The following SLC25A13 variants were observed in gnomAD, a reference collection of about 807,000 sequenced individuals.
The protein encoded by SLC25A13 is solute carrier family 25 member 13, also known as electrogenic aspartate/glutamate antiporter SLC25A13, mitochondrial.
A neutral mutation model predicts 85.5 loss-of-function variants in SLC25A13; 70 were observed. The observed-to-expected ratio is 0.82, with a 90% CI of 0.68 to 1.00. The LOEUF is 1.00. Ranked by LOEUF, SLC25A13 falls within the 50% of genes least tolerant of loss-of-function variation. SLC25A13 has a pLI of 0.00. For missense variants in SLC25A13, 765 were observed against 819.8 expected (o/e 0.93, Z 0.82); for synonymous variants, 259 against 288.7 (o/e 0.90, Z 1.04).
chr7:96,131,128 T>C (rs751766633), intron 15 of SLC25A13, among the ~76,000 whole-genome samples: 2 of 152,190 alleles, frequency 1.3e-5, no homozygotes, highest in Non-Finnish European at 2.9e-5. Flanking sequence ...TAGGGACCCT[T>C]GAAAAGAAGC....
chr7:96,121,184 G>T lies in SLC25A13; in HGVS notation c.*7C>A. 1 of 1,614,066 alleles carries T rather than the reference G, an allele frequency of 6.2e-7. No individual in the cohort carries two copies. ...AAAAAGACAGCACTATCCCAGGGCT[G>T]ATCTTCCTATGGGCCTCCACCAATA... On this transcript the variant is annotated 3_prime_UTR_variant, in exon 18 of 18. Coordinates refer to ENST00000265631, the MANE Select transcript of SLC25A13 (RefSeq NM_014251.3).
chr7:96,185,081 C>T, intron 9 of SLC25A13, 70 bp from the exon 10 acceptor site: 3 of 1,263,574 alleles, frequency 2.4e-6, no homozygotes, highest in Non-Finnish European at 3.4e-6. Flanking sequence ...ACAAAAATGA[C>T]CATACATTAA....
At chr7:96,316,759 G>C (rs183845040) in intron 1 of SLC25A13, among the ~76,000 whole-genome samples, 82 of 152,206 alleles carry the variant, frequency 5.4e-4, no homozygotes, top group African/African-American at 1.8e-3. Flanking sequence ...AAAAGCACTA[G>C]GTAAGGCAGT....
chr7:96,228,588 G>A (rs1177891469), intron 4 of SLC25A13, among the ~76,000 whole-genome samples: 2 of 152,180 alleles, frequency 1.3e-5, no homozygotes, highest in African/African-American at 2.4e-5. Context: ...GCGCCTCCTC[G>A]GCCTCGGCGC....
intron 2 of SLC25A13, among the ~76,000 whole-genome samples, chr7:96,294,373 T>C (rs193135464): frequency 1.3e-5 from 2 of 152,282 alleles, no homozygotes; most frequent in African/African-American, 4.8e-5. Context: ...GGCTCATGTA[T>C]ACATATGTAA....
intron 3 of SLC25A13, 38 bp from the exon 4 acceptor site, chr7:96,234,955 C>T (rs746241545): frequency 6.6e-7 from 1 of 1,518,152 alleles, no homozygotes; most frequent in East Asian, 2.3e-5. Context: ...AAGTCAGTAG[C>T]TTGTGGAAAA....
chr7:96,272,332 A>T (rs1798274714), intron 3 of SLC25A13, among the ~76,000 whole-genome samples: 1 of 152,256 alleles, frequency 6.6e-6, no homozygotes, highest in African/African-American at 2.4e-5. Flanking sequence ...TTTAAAAAAC[A>T]AAGAAAAATC....
At position 96,303,857 on chromosome 7, in the gene SLC25A13, T is replaced by G. The variant is rs1799642596; in HGVS notation, c.16-6906A>C. Among the ~76,000 whole-genome samples, 2 of 152,056 alleles carry G rather than the reference T, an allele frequency of 1.3e-5. 1 individual carries two copies. Among genetic ancestry groups the G allele is most frequent in the South Asian group, 4.1e-4 (2 of 4,820 alleles). ...CTGCTTGAGACTCTAGACGTCATTCTTTAGAGCTCAACCTCAAGTCTGTTT... is the reference window on the plus strand; with the variant it reads ...CTGCTTGAGACTCTAGACGTCATTCGTTAGAGCTCAACCTCAAGTCTGTTT... On this transcript the variant is annotated intron_variant, in intron 1 of 17. Transcript: ENST00000265631.
intron 4 of SLC25A13, among the ~76,000 whole-genome samples, chr7:96,211,949 GA>G (rs1337207909): frequency 6.6e-6 from 1 of 152,156 alleles, no homozygotes; most frequent in Non-Finnish European, 1.5e-5. Context: ...ACCTCATTCT[GA>G]AAGCATTATC....
intron 1 of SLC25A13, chr7:96,306,682 A>G: frequency 1.3e-6 from 1 of 759,246 alleles, no homozygotes; most frequent in Non-Finnish European, 2.1e-6. Flanking sequence ...CTAGGATGGG[A>G]GTACAGCAGC....
rs113090108 is a variant in SLC25A13 at position 96,283,115 on chromosome 7, A to G, written c.70-5777T>C. On this transcript the variant is annotated intron_variant, in intron 2 of 17. Coordinates refer to ENST00000265631, the MANE Select transcript of SLC25A13 (RefSeq NM_014251.3). ...ATTCTAACCCAATGGTGCCACTTCT[A>G]GGAATTTATCCTAAGAAAATAATGC... 6.6e-5 allele frequency among the ~76,000 whole-genome samples: 10 copies of G among 152,378 alleles called. 1 individual carries two copies. The highest frequency in any genetic ancestry group is 1.9e-4 in the African/African-American group (8 of 41,592).
At chr7:96,211,745 C>T (rs1795705694) in intron 4 of SLC25A13, among the ~76,000 whole-genome samples, 1 of 152,156 alleles carries the variant, frequency 6.6e-6, no homozygotes, top group Non-Finnish European at 1.5e-5. Context: ...CCCTTTGGGG[C>T]ACTACAGTTT....
intron 5 of SLC25A13, among the ~76,000 whole-genome samples, chr7:96,203,482 C>A (rs993306119): frequency 1.3e-5 from 2 of 152,150 alleles, no homozygotes; most frequent in Admixed American, 6.5e-5. Flanking sequence ...CAGAAAACTT[C>A]TTTAGGCTTC....
intron 13 of SLC25A13, among the ~76,000 whole-genome samples, chr7:96,161,260 G>A (rs1396370565): frequency 6.6e-6 from 1 of 152,072 alleles, no homozygotes; most frequent in Non-Finnish European, 1.5e-5. Flanking sequence ...TCTATTACTG[G>A]GTGATCATGG....
chr7:96,247,776 T>G lies in SLC25A13; in HGVS notation c.213-12859A>C, dbSNP rs543543491. On this transcript the variant is annotated intron_variant, in intron 3 of 17. Coordinates refer to ENST00000265631, the MANE Select transcript of SLC25A13 (RefSeq NM_014251.3). ...GTACAATGTGTTATTTTTATATACATATACATTGAAAAATGATTATCACAA... is the reference window on the plus strand; with the variant it reads ...GTACAATGTGTTATTTTTATATACAGATACATTGAAAAATGATTATCACAA... 2.6e-5 allele frequency among the ~76,000 whole-genome samples: 4 copies of G among 152,266 alleles called. No homozygotes were observed. The East Asian group carries it at 7.7e-4, about 29-fold the overall frequency.
At chr7:96,146,097 A>T (rs899592146) in intron 14 of SLC25A13, among the ~76,000 whole-genome samples, 2 of 152,240 alleles carry the variant, frequency 1.3e-5, no homozygotes, top group Non-Finnish European at 2.9e-5. Context: ...TTTTGTAATC[A>T]TTCTGAAAAA....
chr7:96,283,273 T>C (rs773280146), intron 2 of SLC25A13: 6 of 196,772 alleles, frequency 3.0e-5, no homozygotes, highest in East Asian at 1.4e-4. Context: ...AACAGCCATA[T>C]GTAGGAATAT....
At chr7:96,286,862 G>A (rs546307533) in intron 2 of SLC25A13, among the ~76,000 whole-genome samples, 7 of 152,246 alleles carry the variant, frequency 4.6e-5, no homozygotes, top group East Asian at 1.9e-4. Flanking sequence ...ACTGGCTGTC[G>A]CTGATCTACA....
chr7:96,177,812 T>C (rs1221942013), intron 11 of SLC25A13, among the ~76,000 whole-genome samples: 1 of 152,194 alleles, frequency 6.6e-6, no homozygotes, highest in Non-Finnish European at 1.5e-5. Flanking sequence ...TGAGCGACTA[T>C]GTAGTAGCAC....
Sources: gnomAD v4.1 joint callset for allele counts (sites outside exome capture counted in the v4.1 genomes callset) on GRCh38, gnomAD v4.1.1 for gene constraint, MANE v1.5 for transcripts, NCBI Gene and HGNC (gene_info 2026-07-23, HGNC 2026-07-21) for gene names.